The following MAP7 variants were observed in gnomAD, a reference collection of about 807,000 sequenced individuals.
MAP7 encodes ensconsin.
A neutral mutation model predicts 94.8 loss-of-function variants in MAP7; 52 were observed. The ratio of observed to expected loss-of-function variants is 0.55; its 90% CI spans 0.44 to 0.69. The LOEUF (loss-of-function observed/expected upper bound fraction) is 0.69. MAP7 is among the 30% of genes least tolerant of loss of function. MAP7 has a pLI of 0.00. For synonymous variants in MAP7, 350 were observed against 357.0 expected, an observed-to-expected ratio of 0.98 and a Z score of 0.22; for missense variants, 940 against 964.6, an observed-to-expected ratio of 0.97 and a Z score of 0.34.
At chr6:136,420,436 T>A (rs1790938910) in intron 2 of MAP7, 3 of 502,620 alleles carry the variant, frequency 6.0e-6, no homozygotes, top group Non-Finnish European at 1.1e-5. Context: ...CAAATGTGAT[T>A]TTCATGCTAA....
At chr6:136,356,509 C>T (rs1225780932) in intron 16 of MAP7, among the ~76,000 whole-genome samples, 183 bp downstream of exon 16, 2 of 146,680 alleles carry the variant, frequency 1.4e-5, no homozygotes, top group African/African-American at 4.9e-5. Flanking sequence ...CTCACCATTA[C>T]ATTTAATGAC....
chr6:136,456,764 G>GAA lies in MAP7; in HGVS notation c.68-34966_68-34965insTT, dbSNP rs1803047596. ...AGGAGAAGGAGGAGGAGGAGGAGGA[G>GAA]GAGGAAGAAGAAGAAGAAGAAGAAG... On this transcript the variant is annotated intron_variant, in intron 1 of 17. Coordinates refer to ENST00000354570, the MANE Select transcript of MAP7 (RefSeq NM_003980.6). 3.7e-4 allele frequency among the ~76,000 whole-genome samples: 9 copies of GAA among 24,360 alleles called. 1 individual carries two copies. The highest frequency in any genetic ancestry group is 1.1e-3 in the African/African-American group (7 of 6,198). The allele number at this position is 24,360 out of a possible 152,430, so 16.0% of individuals were successfully genotyped here. A position where few individuals can be genotyped will look rare whatever the true frequency, so the allele number is the denominator to read the frequency against.
chr6:136,514,717 T>C (rs1266911530), intron 1 of MAP7, among the ~76,000 whole-genome samples: 4 of 151,854 alleles, frequency 2.6e-5, no homozygotes, highest in Non-Finnish European at 4.4e-5. Context: ...TGGGTCTCAA[T>C]AGCGGGCTTA....
chr6:136,544,800 C>A (rs1235620784), intron 1 of MAP7, among the ~76,000 whole-genome samples: 1 of 151,872 alleles, frequency 6.6e-6, no homozygotes, highest in Non-Finnish European at 1.5e-5. Context: ...TTTCTCCCAC[C>A]AAAACCTGAT....
At chr6:136,474,052 C>T (rs1384225303) in intron 1 of MAP7, among the ~76,000 whole-genome samples, 2 of 151,810 alleles carry the variant, frequency 1.3e-5, no homozygotes, top group African/African-American at 2.4e-5. Flanking sequence ...TTAAGGAGGA[C>T]CCAGTAATTC....
In MAP7 at chr6:136,494,030, A is replaced by G. The variant is rs1817501787; in HGVS notation, c.67+56312T>C. ...ATACCTTACCATTTTTATTTGTACC[A>G]TATAAAACCACTTTTCTTTTTTAGA... On this transcript the variant is annotated intron_variant, in intron 1 of 17. Coordinates refer to ENST00000354570, the MANE Select transcript of MAP7 (RefSeq NM_003980.6). Among the ~76,000 whole-genome samples the G allele has an allele frequency of 2.0e-5, 3 of 152,218 alleles. No individual in the cohort carries two copies. In the South Asian group the frequency reaches 6.2e-4, roughly 32 times the overall value.
At chr6:136,503,723 C>A (rs1338239001) in intron 1 of MAP7, among the ~76,000 whole-genome samples, 3 of 152,156 alleles carry the variant, frequency 2.0e-5, no homozygotes, top group African/African-American at 7.2e-5. Context: ...CCATCCAATT[C>A]TCAAAAATCA....
At chr6:136,402,343 C>T (rs531124222) in intron 3 of MAP7, among the ~76,000 whole-genome samples, 68 of 152,336 alleles carry the variant, frequency 4.5e-4, no homozygotes, top group African/African-American at 1.6e-3. Context: ...ACAGAGTGAT[C>T]TCCAAGCATA....
At chr6:136,363,995 C>T (rs1489311631) in intron 10 of MAP7, 1 of 224,790 alleles carries the variant, frequency 4.4e-6, no homozygotes, top group African/African-American at 2.4e-5. Context: ...AAAAATATTT[C>T]CAGTTTTCCT....
At position 136,532,540 on chromosome 6, in the gene MAP7, AT is replaced by A. The variant is rs1828553218; in HGVS notation, c.67+17801del. 2.0e-5 allele frequency among the ~76,000 whole-genome samples: 3 copies of A among 152,100 alleles called. No homozygotes were observed. The South Asian group carries it at 6.2e-4, about 31-fold the overall frequency. Reference sequence around the variant, plus strand: ...TTAAGTTATCAGAATGTAAAAAGTTATGTTTCTTGACATTGAAGATAGCTGT... The same window carrying A: ...TTAAGTTATCAGAATGTAAAAAGTTAGTTTCTTGACATTGAAGATAGCTGT... On this transcript the variant is annotated intron_variant, in intron 1 of 17. Transcript: ENST00000354570.
At chr6:136,462,764 C>T (rs1371326985) in intron 1 of MAP7, among the ~76,000 whole-genome samples, 1 of 151,872 alleles carries the variant, frequency 6.6e-6, no homozygotes, top group Non-Finnish European at 1.5e-5. Flanking sequence ...GAGTGTGAGA[C>T]AAGCCTGGAC....
At chr6:136,373,299 G>A (rs938483862) in intron 7 of MAP7, among the ~76,000 whole-genome samples, 7 of 152,194 alleles carry the variant, frequency 4.6e-5, no homozygotes, top group Non-Finnish European at 1.0e-4. Flanking sequence ...GCATGCTTCC[G>A]GGTTTTCCCA....
chr6:136,473,049 C>T (rs1322772553), intron 1 of MAP7, among the ~76,000 whole-genome samples: 1 of 152,134 alleles, frequency 6.6e-6, no homozygotes, highest in Non-Finnish European at 1.5e-5. Flanking sequence ...TGATTTCCTT[C>T]TCTATTTCCT....
intron 1 of MAP7, among the ~76,000 whole-genome samples, chr6:136,450,924 A>C (rs1800920415): frequency 6.6e-6 from 1 of 152,238 alleles, no homozygotes; most frequent in Non-Finnish European, 1.5e-5. Flanking sequence ...GTAGGAGACA[A>C]AAATTTGTAC....
intron 5 of MAP7, among the ~76,000 whole-genome samples, chr6:136,386,088 C>T (rs1394813628): frequency 2.0e-5 from 3 of 152,124 alleles, no homozygotes; most frequent in Admixed American, 2.0e-4. Flanking sequence ...TCAAGTTTTA[C>T]AGACCAGTGC....
chr6:136,523,340 A>G (rs190078990), intron 1 of MAP7, among the ~76,000 whole-genome samples: 36 of 152,344 alleles, frequency 2.4e-4, no homozygotes, highest in Non-Finnish European at 4.3e-4. Flanking sequence ...GAACGTAACA[A>G]TGCTACAGAC....
chr6:136,366,345 G>A lies in MAP7; in HGVS notation c.971C>T (p.Pro324Leu). Residue 324 changes from proline to leucine, a missense_variant, in exon 9 of 18, where the codon CCA becomes CTA. By Grantham distance (98) the Pro-to-Leu change is moderately conservative. Transcript: ENST00000354570. The part of the protein sequence containing the change: ...VSPSNPKARQ[P>L]ARSRLWLPSK... ...CACTTACCAAAGTCGGGAGCGAGCTGGTTGTCTTGCTTTGGGATTAGATGG... is the reference window on the plus strand; with the variant it reads ...CACTTACCAAAGTCGGGAGCGAGCTAGTTGTCTTGCTTTGGGATTAGATGG... 6.2e-7 allele frequency: 1 copy of A among 1,614,040 alleles called. No individual in the cohort carries two copies. Among genetic ancestry groups the A allele is most frequent in the Admixed American group, 1.7e-5 (1 of 60,018 alleles).
chr6:136,375,927 A>AT (rs150897948), intron 7 of MAP7, among the ~76,000 whole-genome samples: 1,651 of 152,328 alleles, frequency 0.011, 21 homozygotes, highest in East Asian at 0.039. Flanking sequence ...AGGAAACAGT[A>AT]TTGGAAAAGA....
At chr6:136,364,520 A>G in intron 10 of MAP7, 1 of 246,660 alleles carries the variant, frequency 4.1e-6, no homozygotes, top group Non-Finnish European at 8.0e-6. Context: ...TTCTTTGAAA[A>G]CTCTCTCTTC....
Sources: gnomAD v4.1 joint callset for allele counts (sites outside exome capture counted in the v4.1 genomes callset) on GRCh38, gnomAD v4.1.1 for gene constraint, MANE v1.5 for transcripts, NCBI Gene and HGNC (gene_info 2026-07-23, HGNC 2026-07-21) for gene names.